The following DAB1 variants were observed in gnomAD, a reference collection of about 807,000 sequenced individuals.
DAB1 encodes the protein DAB adaptor protein 1.
In DAB1, 15 loss-of-function variants were observed where a neutral mutation model predicts 64.6. The ratio of observed to expected loss-of-function variants is 0.23; its 90% CI spans 0.16 to 0.36. The LOEUF (loss-of-function observed/expected upper bound fraction) is 0.36. Ranked by LOEUF, DAB1 falls within the 10% of genes least tolerant of loss-of-function variation. The probability of loss-of-function intolerance (pLI) is 1.00; values close to 1 mark genes in which losing one functional copy is unlikely to be tolerated. For synonymous variants in DAB1, 235 were observed against 251.9 expected, an observed-to-expected ratio of 0.93 and a Z score of 0.64; for missense variants, 596 against 706.7, an observed-to-expected ratio of 0.84 and a Z score of 1.78.
chr1:58,318,251 A>G (rs1028581345), intron 4 of DAB1, among the ~76,000 whole-genome samples: 2 of 152,176 alleles, frequency 1.3e-5, no homozygotes, highest in Admixed American at 1.3e-4. Flanking sequence ...CTGGTACTGG[A>G]GGAGACAGAT....
intron 7 of DAB1, among the ~76,000 whole-genome samples, chr1:57,460,713 A>T (rs189027538): frequency 6.6e-6 from 1 of 152,238 alleles, no homozygotes; most frequent in Admixed American, 6.5e-5. Context: ...TCACAGCTAC[A>T]GAGGCCCCTT....
intron 5 of DAB1, among the ~76,000 whole-genome samples, chr1:57,997,427 T>A (rs1557602368): frequency 6.6e-6 from 1 of 152,210 alleles, no homozygotes; most frequent in Non-Finnish European, 1.5e-5. Flanking sequence ...TGTACTTTAC[T>A]TCCTTTCATT....
At chr1:57,077,884 T>C (rs1015267207) in intron 4 of DAB1, among the ~76,000 whole-genome samples, 1 of 151,878 alleles carries the variant, frequency 6.6e-6, no homozygotes, top group Admixed American at 6.6e-5. Flanking sequence ...GCAATACTAT[T>C]CACAGGAAAA....
At chr1:57,367,988 C>T (rs1209630464) in intron 1 of DAB1, among the ~76,000 whole-genome samples, 1 of 152,174 alleles carries the variant, frequency 6.6e-6, no homozygotes, top group Non-Finnish European at 1.5e-5. Flanking sequence ...TCTTGGAGGC[C>T]CAGGAAGGCT....
chr1:58,284,168 T>C (rs1367204850), intron 4 of DAB1, among the ~76,000 whole-genome samples: 1 of 152,234 alleles, frequency 6.6e-6, no homozygotes, highest in African/African-American at 2.4e-5. Context: ...TGGCTGGATG[T>C]TTCCTTCTCC....
chr1:57,723,514 G>A (rs1647174519), intron 6 of DAB1, among the ~76,000 whole-genome samples: 1 of 152,200 alleles, frequency 6.6e-6, no homozygotes, highest in Non-Finnish European at 1.5e-5. Context: ...GGGTTTGCAG[G>A]ACAGAGCCTT....
At chr1:58,222,633 C>G (rs72667957) in intron 4 of DAB1, among the ~76,000 whole-genome samples, 2,740 of 152,274 alleles carry the variant, frequency 0.018, 34 homozygotes, top group Middle Eastern at 0.037. Flanking sequence ...AGAGAAGTGA[C>G]GTGACTTGCC....
chr1:57,489,198 C>T (rs1474814018), intron 7 of DAB1, among the ~76,000 whole-genome samples: 3 of 152,210 alleles, frequency 2.0e-5, no homozygotes, highest in Non-Finnish European at 4.4e-5. Flanking sequence ...AGGTATCAAG[C>T]TTTCAGATCT....
intron 4 of DAB1, among the ~76,000 whole-genome samples, chr1:57,077,462 C>T (rs528099219): frequency 1.3e-5 from 2 of 152,240 alleles, no homozygotes; most frequent in African/African-American, 4.8e-5. Flanking sequence ...AAAGAAAGAC[C>T]AAGTCACCTT....
At chr1:58,130,751 A>G in intron 5 of DAB1, among the ~76,000 whole-genome samples, 1 of 151,868 alleles carries the variant, frequency 6.6e-6, no homozygotes, top group East Asian at 1.9e-4. Context: ...TTCTGGGTTG[A>G]AAATTCTTTT....
intron 4 of DAB1, among the ~76,000 whole-genome samples, chr1:58,253,689 CAGAG>C (rs900179030): frequency 4.6e-5 from 7 of 152,292 alleles, no homozygotes; most frequent in African/African-American, 1.7e-4. Context: ...AACTGAGAAC[CAGAG>C]AGATTGAGTG....
intron 7 of DAB1, among the ~76,000 whole-genome samples, chr1:57,546,066 AGTGTGTGTGT>A (rs61208960): frequency 2.9e-4 from 43 of 147,472 alleles, no homozygotes; most frequent in Middle Eastern, 3.5e-3. Context: ...AGCAGAGGGG[AGTGTGTGTGT>A]GTGTGTGTGT....
chr1:57,263,999 C>G (rs1670393808), intron 2 of DAB1, among the ~76,000 whole-genome samples: 1 of 152,094 alleles, frequency 6.6e-6, no homozygotes, highest in South Asian at 2.1e-4. Context: ...TGGAGCCCTC[C>G]TGGTATGGAA....
chr1:57,323,540 A>G (rs183242633), intron 1 of DAB1, among the ~76,000 whole-genome samples: 76 of 152,226 alleles, frequency 5.0e-4, no homozygotes, highest in Non-Finnish European at 2.1e-4. Flanking sequence ...TTCACTTTAA[A>G]TGTTGATTTG....
At chr1:57,838,771 C>CTT (rs5774374) in intron 1 of DAB1, among the ~76,000 whole-genome samples, 13 of 141,372 alleles carry the variant, frequency 9.2e-5, no homozygotes, top group African/African-American at 2.3e-4. Context: ...TTCTTTCTTC[C>CTT]TTTTTTTTTT....
intron 5 of DAB1, among the ~76,000 whole-genome samples, chr1:57,992,055 C>T (rs1180991599): frequency 1.3e-5 from 2 of 151,964 alleles, no homozygotes; most frequent in Non-Finnish European, 2.9e-5. Flanking sequence ...GCTGTCTCTT[C>T]CACAAAGTGG....
intron 1 of DAB1, among the ~76,000 whole-genome samples, chr1:57,411,356 C>T: frequency 6.6e-6 from 1 of 152,208 alleles, no homozygotes; most frequent in East Asian, 1.9e-4. Context: ...AGGCCTGTGG[C>T]TCCTCATTTG....
intron 5 of DAB1, among the ~76,000 whole-genome samples, chr1:57,940,537 C>T (rs1331146685): frequency 1.3e-5 from 2 of 152,166 alleles, no homozygotes; most frequent in South Asian, 2.1e-4. Context: ...CCCAATGCAT[C>T]TCAAATTTAA....
chr1:57,404,659 A>C (rs1419610332), intron 1 of DAB1, among the ~76,000 whole-genome samples: 1 of 152,236 alleles, frequency 6.6e-6, no homozygotes, highest in Admixed American at 6.5e-5. Context: ...AAAATACTGA[A>C]AGAAAAATTC....
Sources: allele counts gnomAD v4.1 joint callset (sites outside exome capture counted in the v4.1 genomes callset), GRCh38; gene constraint gnomAD v4.1.1; transcripts MANE v1.5; gene names NCBI Gene and HGNC (gene_info 2026-07-23, HGNC 2026-07-21).